The following NOX4 variants were observed in gnomAD, a reference collection of about 807,000 sequenced individuals.
NOX4 encodes NADPH oxidase 4.
Under a neutral mutation model 87.6 loss-of-function variants are expected in NOX4, and 69 were observed. The ratio of observed to expected loss-of-function variants is 0.79; its 90% CI spans 0.65 to 0.96. NOX4 has a LOEUF of 0.96. Ranked by LOEUF, NOX4 falls within the 40% of genes least tolerant of loss-of-function variation. NOX4 has a pLI of 0.00. For synonymous variants in NOX4, 275 were observed against 238.2 expected (o/e 1.15, Z -1.42); for missense variants, 680 against 681.5 (o/e 1.00, Z 0.02).
chr11:89,338,255 C>T (rs1344375566), intron 15 of NOX4, among the ~76,000 whole-genome samples: 2 of 152,016 alleles, frequency 1.3e-5, no homozygotes, highest in Admixed American at 6.6e-5. Context: ...TATATTTTTG[C>T]TTTCGTGTCT....
intron 13 of NOX4, among the ~76,000 whole-genome samples, chr11:89,354,432 G>T (rs1354218055): frequency 6.6e-6 from 1 of 152,096 alleles, no homozygotes; most frequent in African/African-American, 2.4e-5. Context: ...GAGAAGGAAA[G>T]GTCTGCTTCA....
intron 6 of NOX4, among the ~76,000 whole-genome samples, chr11:89,433,817 G>T (rs1943941139): frequency 6.6e-6 from 1 of 151,992 alleles, no homozygotes; most frequent in Non-Finnish European, 1.5e-5. Flanking sequence ...AGGATAGATT[G>T]CTACAAATCC....
chr11:89,552,177 A>G, the NOX4 span, among the ~76,000 whole-genome samples: 1 of 152,224 alleles, frequency 6.6e-6, no homozygotes. Context: ...CACTAACTTT[A>G]TAATACATTT....
intron 7 of NOX4, among the ~76,000 whole-genome samples, chr11:89,426,152 C>G (rs1384321072): frequency 6.6e-6 from 1 of 152,160 alleles, no homozygotes; most frequent in African/African-American, 2.4e-5. Flanking sequence ...TGCAAACAAA[C>G]AATTTCTCCA....
At chr11:89,380,870 T>C (rs1940232837) in intron 11 of NOX4, among the ~76,000 whole-genome samples, 2 of 152,162 alleles carry the variant, frequency 1.3e-5, no homozygotes. Flanking sequence ...TCCCAGCTGA[T>C]TTTTGACAAG....
At chr11:89,511,968 T>C in the NOX4 span, among the ~76,000 whole-genome samples, 2 of 152,114 alleles carry the variant, frequency 1.3e-5, no homozygotes, top group African/African-American at 2.4e-5. Context: ...GTTTGCAGAT[T>C]ACAGATGTAA....
chr11:89,588,956 A>C, the NOX4 span, among the ~76,000 whole-genome samples: 1 of 152,240 alleles, frequency 6.6e-6, no homozygotes, highest in Admixed American at 6.5e-5. Flanking sequence ...TCTCTCAGTT[A>C]TCTTCCCTCT....
chr11:89,449,600 T>C, intron 3 of NOX4, 76 bp from the exon 4 acceptor site: 1 of 1,171,606 alleles, frequency 8.5e-7, no homozygotes, highest in Non-Finnish European at 1.2e-6. Flanking sequence ...GCATTGTTCA[T>C]TATGTCAAAA....
intron 11 of NOX4, among the ~76,000 whole-genome samples, chr11:89,374,112 G>A (rs1389759162): frequency 6.6e-6 from 1 of 152,032 alleles, no homozygotes; most frequent in African/African-American, 2.4e-5. Context: ...CATCCAGGTA[G>A]TCAAAATGAA....
At chr11:89,564,945 T>C in the NOX4 span, among the ~76,000 whole-genome samples, 2 of 152,100 alleles carry the variant, frequency 1.3e-5, no homozygotes, top group Admixed American at 1.3e-4. Context: ...CTTGGCTCAG[T>C]TGTGTGAAGT....
intron 17 of NOX4, among the ~76,000 whole-genome samples, chr11:89,329,702 A>G (rs947963502): frequency 3.3e-5 from 5 of 152,028 alleles, no homozygotes; most frequent in African/African-American, 1.2e-4. Flanking sequence ...GCAAGTCAGA[A>G]GGCAATGAAG....
the NOX4 span, among the ~76,000 whole-genome samples, chr11:89,509,762 C>T: frequency 1.3e-5 from 2 of 151,926 alleles, no homozygotes; most frequent in African/African-American, 4.8e-5. Flanking sequence ...AATGACCTGC[C>T]TTATAACACA....
At chr11:89,508,983 A>T in the NOX4 span, among the ~76,000 whole-genome samples, 1 of 152,110 alleles carries the variant, frequency 6.6e-6, no homozygotes, top group Non-Finnish European at 1.5e-5. Flanking sequence ...TTCAGGAAAC[A>T]TAATTTAGTT....
chr11:89,512,250 GTCCTTT>G, the NOX4 span, among the ~76,000 whole-genome samples: 11 of 152,058 alleles, frequency 7.2e-5, no homozygotes, highest in Admixed American at 5.2e-4. Context: ...AATTTGCTGT[GTCCTTT>G]TCCTTTTCCT....
chr11:89,416,007 T>A (rs1942746541), intron 8 of NOX4, among the ~76,000 whole-genome samples: 1 of 152,124 alleles, frequency 6.6e-6, no homozygotes, highest in Admixed American at 6.6e-5. Context: ...CTATTCAAGG[T>A]AAGGACTCCT....
At chr11:89,350,072 G>T (rs552982617) in intron 13 of NOX4, among the ~76,000 whole-genome samples, 1 of 151,912 alleles carries the variant, frequency 6.6e-6, no homozygotes, top group Non-Finnish European at 1.5e-5. Context: ...CCACTCATCT[G>T]TCTCTTTCTG....
chr11:89,453,618 G>A (rs945307811), intron 2 of NOX4, among the ~76,000 whole-genome samples: 1 of 152,158 alleles, frequency 6.6e-6, no homozygotes, highest in African/African-American at 2.4e-5. Context: ...GCCACACATA[G>A]TTTGGATCAA....
At chr11:89,452,470 A>T (rs1945005630) in intron 2 of NOX4, among the ~76,000 whole-genome samples, 1 of 152,170 alleles carries the variant, frequency 6.6e-6, no homozygotes, top group Non-Finnish European at 1.5e-5. Context: ...CTAGGAGAGA[A>T]CCCACTGGTA....
At chr11:89,394,502 A>AT (rs200005808) in intron 11 of NOX4, among the ~76,000 whole-genome samples, 5,245 of 151,970 alleles carry the variant, frequency 0.035, 175 homozygotes, top group East Asian at 0.13. Context: ...TTCTGAAGTA[A>AT]TTTTTTTATT....
Sources: gnomAD v4.1 joint callset for allele counts (sites outside exome capture counted in the v4.1 genomes callset) on GRCh38, gnomAD v4.1.1 for gene constraint, MANE v1.5 for transcripts, NCBI Gene and HGNC (gene_info 2026-07-23, HGNC 2026-07-21) for gene names.